The following TLL2 variants were observed in gnomAD, a reference collection of about 807,000 sequenced individuals.
TLL2 encodes tolloid like 2, also known as tolloid-like protein 2.
In TLL2, 106 loss-of-function variants were observed where a neutral mutation model predicts 123.0. The ratio of observed to expected loss-of-function variants is 0.86; its 90% CI spans 0.74 to 1.01. The LOEUF is 1.01. TLL2 is among the 50% of genes least tolerant of loss of function. The pLI is 0.00. For synonymous variants in TLL2, 494 were observed against 516.8 expected, an observed-to-expected ratio of 0.96 and a Z score of 0.60; for missense variants, 1,332 against 1,336.7, an observed-to-expected ratio of 1.00 and a Z score of 0.06.
intron 1 of TLL2, among the ~76,000 whole-genome samples, chr10:96,500,804 CGGAG>C (rs1847526837): frequency 7.7e-5 from 1 of 12,958 alleles, no homozygotes. Flanking sequence ...GAGGGAGGGA[CGGAG>C]GGAGGGAGGG....
At position 96,370,107 on chromosome 10, in the gene TLL2, G is replaced by A. The variant is rs1296130327; in HGVS notation, c.2871C>T (p.Tyr957=). 1 of 1,612,312 alleles carries A rather than the reference G, an allele frequency of 6.2e-7. No individual in the cohort carries two copies. Among genetic ancestry groups the A allele is most frequent in the Non-Finnish European group, 8.5e-7 (1 of 1,179,288 alleles). The stretch of plus-strand genomic sequence containing the variant: ...GGCCGAGCCTGGGCGCTGAGCTGTC[G>A]TAGCCGTCGTAGGCTTCCATGTAGT... The part of the protein sequence containing the change: ...GYDYMEAYDG[Y]DSSAPRLGRF... Residue 957 remains tyrosine (Y), a synonymous_variant, in exon 20 of 21, where the codon TAC becomes TAT. Coordinates refer to ENST00000357947, the MANE Select transcript of TLL2 (RefSeq NM_012465.4).
At chr10:96,414,904 CCTT>C (rs1353079711) in intron 7 of TLL2, among the ~76,000 whole-genome samples, 1 of 152,170 alleles carries the variant, frequency 6.6e-6, no homozygotes, top group African/African-American at 2.4e-5. Context: ...ATACCCTCCT[CCTT>C]GTTCCCAGAC....
At position 96,368,050 on chromosome 10, in the gene TLL2, A is replaced by G; in HGVS notation, c.*38T>C. 1 of 1,609,626 alleles carries G rather than the reference A, an allele frequency of 6.2e-7. No homozygotes were observed. The highest frequency in any genetic ancestry group is 8.5e-7 in the Non-Finnish European group (1 of 1,177,152). ...TGTTGTTAAAAACAAAACAAAACAA[A>G]AAAAATTCTCAGTTTCTGTCTTTCA... is the stretch of plus-strand genomic sequence containing the variant. On this transcript the variant is annotated 3_prime_UTR_variant, in exon 21 of 21. Transcript: ENST00000357947.
Position 96,395,074 on chromosome 10 carries a change from C to A in TLL2, c.1726+113G>T, listed in dbSNP as rs941393942. 6.0e-6 allele frequency: 7 copies of A among 1,168,216 alleles called. No homozygotes were observed. In the African/African-American group the frequency reaches 1.1e-4, roughly 18 times the overall value. The allele number at this position is 1,168,216 out of a possible 1,614,324, so 72.4% of individuals were successfully genotyped here. ...TCTGAAATGCATCGCTGCCTTTTCT[C>A]TGCAGGGAGCCTTGTTTGGTGGTAA... On this transcript the variant is annotated intron_variant, in intron 13 of 20. Coordinates refer to ENST00000357947, the MANE Select transcript of TLL2 (RefSeq NM_012465.4).
chr10:96,428,296 G>A (rs1207873067), intron 5 of TLL2, among the ~76,000 whole-genome samples: 2 of 152,134 alleles, frequency 1.3e-5, no homozygotes, highest in Non-Finnish European at 2.9e-5. Context: ...CTTGAAGAAG[G>A]AAAGCCCACC....
chr10:96,459,601 C>T (rs1023252313), intron 2 of TLL2, among the ~76,000 whole-genome samples: 3 of 132,522 alleles, frequency 2.3e-5, no homozygotes, highest in Admixed American at 1.7e-4. Context: ...ATCTGTGAGG[C>T]GGAGGTTGCA....
intron 3 of TLL2, among the ~76,000 whole-genome samples, chr10:96,437,606 C>T (rs1589422413): frequency 1.3e-5 from 2 of 152,242 alleles, no homozygotes; most frequent in South Asian, 4.1e-4. Context: ...GTTTCCATTT[C>T]TAAAATTCTG....
At chr10:96,493,328 G>C (rs1200484705) in intron 1 of TLL2, among the ~76,000 whole-genome samples, 1 of 152,196 alleles carries the variant, frequency 6.6e-6, no homozygotes, top group Non-Finnish European at 1.5e-5. Flanking sequence ...TGTAGAATCA[G>C]GAAAGCCTCA....
intron 18 of TLL2, chr10:96,374,211 G>C: frequency 4.8e-6 from 1 of 208,132 alleles, no homozygotes; most frequent in South Asian, 9.4e-5. Flanking sequence ...AGCAAGGGCT[G>C]AGTGCCCACT....
Position 96,506,255 on chromosome 10 carries a change from AAAAAAAAAAAG to A in TLL2, c.175+7245_175+7255del, listed in dbSNP as rs1378879945. Among the ~76,000 whole-genome samples the A allele has an allele frequency of 9.1e-5, 12 of 131,190 alleles. No homozygotes were observed. In the East Asian group the frequency reaches 1.2e-3, roughly 13 times the overall value. 86.1% of individuals were successfully genotyped at this position (131,190 alleles called of 152,430 possible). On this transcript the variant is annotated intron_variant, in intron 1 of 20. Coordinates refer to ENST00000357947, the MANE Select transcript of TLL2 (RefSeq NM_012465.4). ...TGACAGAGCGAGACCCCATCTCAAA[AAAAAAAAAAAG>A]AAAAAAAAAAAAGAAAAAAGGAAAG... is the stretch of plus-strand genomic sequence containing the variant.
intron 5 of TLL2, among the ~76,000 whole-genome samples, chr10:96,424,872 T>C (rs1846663943): frequency 6.6e-6 from 1 of 152,096 alleles, no homozygotes; most frequent in Non-Finnish European, 1.5e-5. Context: ...TTCAAGATTA[T>C]AAATAAAATC....
intron 18 of TLL2, among the ~76,000 whole-genome samples, 194 bp downstream of exon 18, chr10:96,376,498 C>T (rs1056835121): frequency 6.6e-6 from 1 of 152,250 alleles, no homozygotes; most frequent in Non-Finnish European, 1.5e-5. Flanking sequence ...TGTGCGTTGT[C>T]TCTTTTAATC....
intron 3 of TLL2, among the ~76,000 whole-genome samples, chr10:96,443,111 C>G (rs764077336): frequency 6.6e-6 from 1 of 152,152 alleles, no homozygotes; most frequent in African/African-American, 2.4e-5. Context: ...CTGACAATAT[C>G]TATTGCTGGG....
At chr10:96,490,554 T>C (rs1015070937) in intron 1 of TLL2, among the ~76,000 whole-genome samples, 2 of 152,202 alleles carry the variant, frequency 1.3e-5, no homozygotes, top group African/African-American at 2.4e-5. Flanking sequence ...GGGTTAGCTA[T>C]TTGAGGAAAA....
At chr10:96,433,788 G>A (rs1169383849) in intron 3 of TLL2, among the ~76,000 whole-genome samples, 3 of 152,014 alleles carry the variant, frequency 2.0e-5, no homozygotes, top group African/African-American at 4.8e-5. Flanking sequence ...TTGTTTGTTT[G>A]TTTGTTTATT....
intron 7 of TLL2, among the ~76,000 whole-genome samples, chr10:96,415,143 C>T (rs1846541466): frequency 6.6e-6 from 1 of 152,210 alleles, no homozygotes; most frequent in Admixed American, 6.5e-5. Context: ...TGTTTGCTCA[C>T]TGACTTCTGC....
At chr10:96,465,787 A>G (rs1046741004) in intron 2 of TLL2, among the ~76,000 whole-genome samples, 29 of 152,124 alleles carry the variant, frequency 1.9e-4, no homozygotes, top group African/African-American at 6.8e-4. Flanking sequence ...ATGAATAGGG[A>G]GTGGTGGGGA....
chr10:96,410,744 G>C (rs1846494048), intron 8 of TLL2: 1 of 542,534 alleles, frequency 1.8e-6, no homozygotes, highest in South Asian at 1.6e-5. Context: ...TCTCTGGCCA[G>C]CTGTGTGGCT....
intron 1 of TLL2, among the ~76,000 whole-genome samples, chr10:96,482,776 C>A (rs984990890): frequency 2.6e-5 from 4 of 152,056 alleles, no homozygotes; most frequent in Non-Finnish European, 4.4e-5. Context: ...TTACTAAAAT[C>A]GCATGTACAC....
Sources: allele counts gnomAD v4.1 joint callset (sites outside exome capture counted in the v4.1 genomes callset), GRCh38; gene constraint gnomAD v4.1.1; transcripts MANE v1.5; gene names NCBI Gene and HGNC (gene_info 2026-07-23, HGNC 2026-07-21).